Variants in ADCY8 observed in about 807,000 individuals in gnomAD.
The protein encoded by ADCY8 is adenylate cyclase type 8.
In ADCY8, 51 loss-of-function variants were observed where a neutral mutation model predicts 119.7. The observed-to-expected ratio is 0.43, with a 90% CI of 0.34 to 0.54. The LOEUF is 0.54. Ranked by LOEUF, ADCY8 falls within the 20% of genes least tolerant of loss-of-function variation. The pLI, the probability that ADCY8 is intolerant of heterozygous loss-of-function variation, is 0.03. For missense variants in ADCY8, 1,383 were observed against 1,598.8 expected, an observed-to-expected ratio of 0.87 and a Z score of 2.30; for synonymous variants, 665 against 651.0, an observed-to-expected ratio of 1.02 and a Z score of -0.33.
At chr8:130,992,924 G>T (rs189288685) in intron 1 of ADCY8, among the ~76,000 whole-genome samples, 1 of 152,038 alleles carries the variant, frequency 6.6e-6, no homozygotes, top group East Asian at 1.9e-4. Flanking sequence ...CCCTACATAG[G>T]TTAACTGTGA....
chr8:130,809,388 T>A lies in ADCY8; in HGVS notation c.2913+4681A>T, dbSNP rs140551624. On this transcript the variant is annotated intron_variant, in intron 14 of 17. Coordinates refer to ENST00000286355, the MANE Select transcript of ADCY8 (RefSeq NM_001115.3). ...ACACATTGAATCAGATCCAAGCTAC[T>A]TCAATGCTCTTCAAGACTTGTCTCT... Among the ~76,000 whole-genome samples the A allele has an allele frequency of 1.4e-4, 22 of 152,370 alleles. No homozygotes were observed. The East Asian group carries it at 4.2e-3, about 29-fold the overall frequency.
chr8:130,821,650 G>A (rs1293692012), intron 12 of ADCY8, among the ~76,000 whole-genome samples: 1 of 152,190 alleles, frequency 6.6e-6, no homozygotes, highest in African/African-American at 2.4e-5. Flanking sequence ...AGATTCTAGA[G>A]TCTAGTGTCT....
At chr8:130,882,093 T>A (rs1156739254) in intron 8 of ADCY8, among the ~76,000 whole-genome samples, 1 of 151,392 alleles carries the variant, frequency 6.6e-6, no homozygotes, top group Non-Finnish European at 1.5e-5. Flanking sequence ...TGTGTGTGTG[T>A]TTCCTCTTAG....
At chr8:130,936,937 G>A (rs1820805027) in intron 5 of ADCY8, 136 bp downstream of exon 5, 11 of 1,068,556 alleles carry the variant, frequency 1.0e-5, no homozygotes, top group South Asian at 8.5e-5. Context: ...AGAACTAAGG[G>A]GCACACAGTT....
chr8:131,040,079 G>T lies in ADCY8; in HGVS notation c.255C>A (p.Gly85=), dbSNP rs1254920640. Residue 85 remains glycine (G), a synonymous_variant, in exon 1 of 18, where the codon GGC becomes GGA. Transcript: ENST00000286355. ...GPNHHAPQLS[G]DSALPLYSLG... ...GCGAGTAGAGGGGCAGCGCCGAGTCGCCTGACAGCTGCGGCGCGTGGTGGT... is the reference window on the plus strand; with the variant it reads ...GCGAGTAGAGGGGCAGCGCCGAGTCTCCTGACAGCTGCGGCGCGTGGTGGT... The T allele has an allele frequency of 4.8e-5, 73 of 1,534,918 alleles. No individual in the cohort carries two copies. Among genetic ancestry groups the T allele is most frequent in the Non-Finnish European group, 6.2e-5 (71 of 1,146,290 alleles).
At chr8:130,951,110 G>A (rs1268491131) in intron 3 of ADCY8, among the ~76,000 whole-genome samples, 1 of 152,156 alleles carries the variant, frequency 6.6e-6, no homozygotes, top group African/African-American at 2.4e-5. Context: ...AACTCTGCCT[G>A]TTTTATATTT....
At chr8:130,830,407 C>G (rs1186339650) in intron 12 of ADCY8, among the ~76,000 whole-genome samples, 1 of 152,100 alleles carries the variant, frequency 6.6e-6, no homozygotes, top group Non-Finnish European at 1.5e-5. Flanking sequence ...TGATGTCATA[C>G]CTGATTGAAT....
intron 15 of ADCY8, among the ~76,000 whole-genome samples, chr8:130,790,933 T>G (rs1342988451): frequency 1.3e-5 from 2 of 152,168 alleles, no homozygotes; most frequent in Non-Finnish European, 2.9e-5. Context: ...CAGAGTAATC[T>G]CTTGATGATG....
At chr8:130,991,204 A>C (rs1398339985) in intron 1 of ADCY8, among the ~76,000 whole-genome samples, 1 of 152,200 alleles carries the variant, frequency 6.6e-6, no homozygotes, top group Admixed American at 6.5e-5. Flanking sequence ...CAGATTCTTG[A>C]AAAGGGGTCA....
intron 2 of ADCY8, among the ~76,000 whole-genome samples, chr8:130,985,380 G>A (rs1366387364): frequency 6.6e-6 from 1 of 152,172 alleles, no homozygotes; most frequent in Non-Finnish European, 1.5e-5. Flanking sequence ...CATGAGTGTA[G>A]AGGGTAAGAA....
At chr8:130,908,149 G>A (rs1397222779) in intron 6 of ADCY8, among the ~76,000 whole-genome samples, 1 of 152,138 alleles carries the variant, frequency 6.6e-6, no homozygotes, top group African/African-American at 2.4e-5. Context: ...GTTTCTTAAT[G>A]TTATTGAGAA....
chr8:130,968,493 A>C (rs1428292918), intron 2 of ADCY8, among the ~76,000 whole-genome samples: 1 of 152,002 alleles, frequency 6.6e-6, no homozygotes, highest in African/African-American at 2.4e-5. Context: ...TTTTATCATC[A>C]CTATTCCTTG....
chr8:130,945,672 GAGAGAA>G (rs1821085755), intron 3 of ADCY8, among the ~76,000 whole-genome samples: 1 of 152,222 alleles, frequency 6.6e-6, no homozygotes, highest in African/African-American at 2.4e-5. Context: ...TTATATTTGA[GAGAGAA>G]AGAGAAGAGA....
At chr8:130,919,527 C>T (rs1820238338) in intron 5 of ADCY8, among the ~76,000 whole-genome samples, 1 of 152,160 alleles carries the variant, frequency 6.6e-6, no homozygotes, top group Non-Finnish European at 1.5e-5. Context: ...TAACAACTGT[C>T]TCTTTGGGAA....
Position 130,783,774 on chromosome 8 carries a change from G to A in ADCY8, c.3185C>T (p.Ala1062Val), listed in dbSNP as rs1171546317. 1 of 1,613,774 alleles carries A rather than the reference G, an allele frequency of 6.2e-7. No individual in the cohort carries two copies. Among genetic ancestry groups the A allele is most frequent in the Admixed American group, 1.7e-5 (1 of 59,968 alleles). The change falls in exon 17 of 18, where the codon GCT becomes GTT. Residue 1062 changes from alanine (A) to valine (V), a missense_variant. Ala to Val is a moderately conservative substitution (Grantham distance 64). This residue lies in a region of ADCY8 where 928 missense variants were observed against 1,163.5 expected (regional missense o/e 0.80). Coordinates refer to ENST00000286355, the MANE Select transcript of ADCY8 (RefSeq NM_001115.3). Reference sequence around the variant, plus strand: ...CAGGGCGAGTGAGAAGTCAGCCAGAGCACACAAATGTCCCCACTTGTCTTC... The same window carrying A: ...CAGGGCGAGTGAGAAGTCAGCCAGAACACACAAATGTCCCCACTTGTCTTC... ...QCEDKWGHLC[A>V]LADFSLALTE...
At chr8:130,993,213 G>T (rs1822656760) in intron 1 of ADCY8, among the ~76,000 whole-genome samples, 1 of 152,090 alleles carries the variant, frequency 6.6e-6, no homozygotes, top group South Asian at 2.1e-4. Flanking sequence ...GAGATAAGTA[G>T]GGTCACTATA....
intron 5 of ADCY8, among the ~76,000 whole-genome samples, chr8:130,915,364 G>A (rs532868332): frequency 5.3e-5 from 8 of 152,226 alleles, no homozygotes; most frequent in South Asian, 2.1e-4. Flanking sequence ...ATGACAGGAC[G>A]CATAATTCAG....
intron 11 of ADCY8, 62 bp from the exon 12 acceptor site, chr8:130,836,511 T>C: frequency 3.9e-6 from 6 of 1,543,428 alleles, no homozygotes; most frequent in Non-Finnish European, 5.3e-6. Context: ...CTCCTAGCCA[T>C]GGATGCTAGT....
At chr8:130,817,342 A>G (rs1226408915) in intron 13 of ADCY8, among the ~76,000 whole-genome samples, 1 of 152,236 alleles carries the variant, frequency 6.6e-6, no homozygotes, top group African/African-American at 2.4e-5. Flanking sequence ...CACTGAAATC[A>G]AGTTCTAGAA....
Sources: allele counts gnomAD v4.1 joint callset (sites outside exome capture counted in the v4.1 genomes callset), GRCh38; gene constraint gnomAD v4.1.1; regional missense constraint gnomAD v4.1.1; transcripts MANE v1.5; gene names NCBI Gene and HGNC (gene_info 2026-07-23, HGNC 2026-07-21).